DDX46: variants seen among roughly 807,000 people sequenced by gnomAD.
DDX46 encodes DEAD-box helicase 46.
DDX46 carries 30 observed loss-of-function variants against 134.9 expected under a neutral mutation model. That is an observed-to-expected ratio of 0.22 (90% confidence interval 0.17 to 0.30). The LOEUF (loss-of-function observed/expected upper bound fraction) is 0.30. Among genes scored for constraint, DDX46 ranks in the 10% least tolerant of loss-of-function variants. The probability of loss-of-function intolerance (pLI) is 1.00; values close to 1 mark genes in which losing one functional copy is unlikely to be tolerated. For synonymous variants in DDX46, 415 were observed against 404.1 expected (o/e 1.03, Z -0.32); for missense variants, 622 against 1,248.7 (o/e 0.50, Z 7.56).
At chr5:134,827,118 G>A in intron 22 of DDX46, 98 bp downstream of exon 22, 2 of 1,264,780 alleles carry the variant, frequency 1.6e-6, no homozygotes, top group Non-Finnish European at 2.2e-6. Context: ...CATATAGTTT[G>A]ATGAATTTTC....
At chr5:134,789,171 A>T (rs2150145397) in intron 12 of DDX46, 1 of 152,304 alleles carries the variant, frequency 6.6e-6, no homozygotes, top group South Asian at 2.1e-4. Context: ...TCCCTATCAA[A>T]ACTCTTACTA....
intron 16 of DDX46, among the ~76,000 whole-genome samples, chr5:134,809,509 A>C (rs1755079334): frequency 6.6e-6 from 1 of 152,030 alleles, no homozygotes; most frequent in African/African-American, 2.4e-5. Flanking sequence ...CTGGGACTAC[A>C]GGCGTGTGCC....
At chr5:134,771,180 C>T (rs546873131) in intron 4 of DDX46, among the ~76,000 whole-genome samples, 181 bp downstream of exon 4, 16 of 151,400 alleles carry the variant, frequency 1.1e-4, no homozygotes, top group African/African-American at 3.1e-4. Flanking sequence ...GGCACATTCT[C>T]GGCTCCTGAG....
chr5:134,807,712 T>G (rs748575551), intron 15 of DDX46, 36 bp from the exon 16 acceptor site: 3 of 1,554,530 alleles, frequency 1.9e-6, no homozygotes, highest in Non-Finnish European at 1.7e-6. Flanking sequence ...AAAATTTAAT[T>G]TGAACATGTT....
Position 134,811,768 on chromosome 5 carries a change from T to C in DDX46, c.2359T>C (p.Leu787=). 2 of 1,614,034 alleles carry C rather than the reference T, an allele frequency of 1.2e-6. No individual in the cohort carries two copies. Among genetic ancestry groups the C allele is most frequent in the Non-Finnish European group, 1.7e-6 (2 of 1,179,988 alleles). The change falls in exon 18 of 23, where the codon TTG becomes CTG. Residue 787 remains leucine, a synonymous_variant. Coordinates refer to ENST00000452510, the MANE Select transcript of DDX46 (RefSeq NM_001300860.2). ...GFKFDETEQA[L]ANERKKLQKA... ...CAAGTTTGATGAAACAGAACAAGCT[T>C]TGGCTAATGAGAGGAAGAAGTTACA...
chr5:134,818,390 G>A (rs553708687), intron 20 of DDX46, among the ~76,000 whole-genome samples: 19 of 150,664 alleles, frequency 1.3e-4, no homozygotes, highest in East Asian at 4.1e-4. Context: ...CATCACGCCC[G>A]GCCAATAATG....
At chr5:134,785,370 C>T (rs1417798136) in intron 10 of DDX46, 95 bp from the exon 11 acceptor site, 10 of 1,360,456 alleles carry the variant, frequency 7.4e-6, no homozygotes, top group Non-Finnish European at 9.5e-6. Context: ...TTAGGTGAAA[C>T]AATCTGAACT....
At chr5:134,799,818 A>C (rs1388839730) in intron 15 of DDX46, among the ~76,000 whole-genome samples, 12 of 151,102 alleles carry the variant, frequency 7.9e-5, no homozygotes, top group Non-Finnish European at 1.3e-4. Flanking sequence ...ACTGAGGTGG[A>C]AGGATTGCTT....
intron 22 of DDX46, among the ~76,000 whole-genome samples, chr5:134,828,113 G>A (rs1755638569): frequency 6.6e-6 from 1 of 152,180 alleles, no homozygotes; most frequent in South Asian, 2.1e-4. Flanking sequence ...ACATGTCCTT[G>A]TGTCTTTAGT....
intron 15 of DDX46, among the ~76,000 whole-genome samples, chr5:134,806,323 T>G (rs1754985645): frequency 1.3e-5 from 2 of 152,152 alleles, no homozygotes; most frequent in South Asian, 4.1e-4. Flanking sequence ...TCATTTGATG[T>G]ATACCTGACT....
rs376774033 is a variant in DDX46 at position 134,785,604 on chromosome 5, A to G, written c.1464+18A>G. ...GTGAGCAGGTAGTTATATAAGAAAC[A>G]TTCATGTTTTCCATTCTTTTCTCAA... On this transcript the variant is annotated intron_variant, in intron 11 of 22. Coordinates refer to ENST00000452510, the MANE Select transcript of DDX46 (RefSeq NM_001300860.2). The G allele has an allele frequency of 1.3e-6, 2 of 1,585,030 alleles. No homozygotes were observed. The highest frequency in any genetic ancestry group is 1.7e-6 in the Non-Finnish European group (2 of 1,168,810).
chr5:134,784,254 T>C, intron 9 of DDX46, 112 bp from the exon 10 acceptor site: 1 of 1,047,358 alleles, frequency 9.5e-7, no homozygotes, highest in East Asian at 2.6e-5. Flanking sequence ...AGTATTTTAT[T>C]GTATGATATA....
chr5:134,758,860 A>G lies in DDX46; in HGVS notation c.-79A>G, dbSNP rs1056726276. ...TAGCGCTGGTCTTTGCCGGGCGTTG[A>G]GGGCAGCTCAGCCTCCTTGTTTGTC... On this transcript the variant is annotated 5_prime_UTR_variant, in exon 1 of 23. Coordinates refer to ENST00000452510, the MANE Select transcript of DDX46 (RefSeq NM_001300860.2). 1 of 1,608,602 alleles carries G rather than the reference A, an allele frequency of 6.2e-7. No homozygotes were observed. Among genetic ancestry groups the G allele is most frequent in the Non-Finnish European group, 8.5e-7 (1 of 1,175,634 alleles).
At chr5:134,817,254 C>G (rs1755310740) in intron 19 of DDX46, 1 of 446,630 alleles carries the variant, frequency 2.2e-6, no homozygotes, top group African/African-American at 2.0e-5. Flanking sequence ...TCTCTATGAT[C>G]TAGTAGAATA....
At chr5:134,810,161 C>T (rs1370610838) in intron 16 of DDX46, among the ~76,000 whole-genome samples, 2 of 151,914 alleles carry the variant, frequency 1.3e-5, no homozygotes, top group Non-Finnish European at 2.9e-5. Context: ...TATCTTTCCA[C>T]CTCTGCCTCC....
chr5:134,777,427 AG>A, intron 5 of DDX46, 146 bp from the exon 6 acceptor site: 2 of 771,102 alleles, frequency 2.6e-6, no homozygotes, highest in Non-Finnish European at 4.0e-6. Flanking sequence ...TCAGAATATG[AG>A]CATTTGAACT....
chr5:134,777,219 A>G (rs971625677), intron 5 of DDX46, among the ~76,000 whole-genome samples: 2 of 152,216 alleles, frequency 1.3e-5, no homozygotes, highest in African/African-American at 4.8e-5. Flanking sequence ...CTCCGTCTCA[A>G]AAAAAACATC....
chr5:134,790,678 G>C, intron 13 of DDX46, 126 bp downstream of exon 13: 1 of 757,594 alleles, frequency 1.3e-6, no homozygotes, highest in East Asian at 2.7e-5. Context: ...TAATACAGAA[G>C]ACTGGGGACA....
At chr5:134,791,388 A>G (rs762177110) in intron 13 of DDX46, among the ~76,000 whole-genome samples, 16 of 152,236 alleles carry the variant, frequency 1.1e-4, no homozygotes, top group African/African-American at 3.1e-4. Flanking sequence ...GTGAAACCTC[A>G]TATCTACTAA....
Sources: allele counts gnomAD v4.1 joint callset (sites outside exome capture counted in the v4.1 genomes callset), GRCh38; gene constraint gnomAD v4.1.1; transcripts MANE v1.5; gene names NCBI Gene and HGNC (gene_info 2026-07-23, HGNC 2026-07-21).